The following CDCP1 variants were observed in gnomAD, a reference collection of about 807,000 sequenced individuals.
CDCP1 encodes the protein CUB domain-containing protein 1.
A neutral mutation model predicts 60.2 loss-of-function variants in CDCP1; 29 were observed. That is an observed-to-expected ratio of 0.48 (90% CI 0.36 to 0.66). The LOEUF (loss-of-function observed/expected upper bound fraction) is 0.66. CDCP1 is among the 30% of genes least tolerant of loss of function. The pLI is 0.00. For synonymous variants in CDCP1, 387 were observed against 431.1 expected (o/e 0.90, Z 1.27); for missense variants, 876 against 1,074.3 (o/e 0.82, Z 2.58).
At position 45,143,748 on chromosome 3, in the gene CDCP1, A is replaced by G. The variant is rs1699335892; in HGVS notation, c.82+2458T>C. 2.0e-5 allele frequency among the ~76,000 whole-genome samples: 3 copies of G among 152,166 alleles called. No homozygotes were observed. In the South Asian group the frequency reaches 6.2e-4, roughly 32 times the overall value. ...TGTGTGTGCACATGCAAGGCGTGCA[A>G]CCATCATAGATGAAATGGCAGCATC... On this transcript the variant is annotated intron_variant, in intron 1 of 8. Coordinates refer to ENST00000296129, the MANE Select transcript of CDCP1 (RefSeq NM_022842.5).
At chr3:45,100,646 G>A (rs1040465589) in intron 4 of CDCP1, among the ~76,000 whole-genome samples, 3 of 151,852 alleles carry the variant, frequency 2.0e-5, no homozygotes, top group Non-Finnish European at 2.9e-5. Flanking sequence ...TTTCTTCCTT[G>A]AATTTTATGT....
chr3:45,094,684 G>C (rs1698364162), intron 5 of CDCP1, among the ~76,000 whole-genome samples: 1 of 151,450 alleles, frequency 6.6e-6, no homozygotes, highest in South Asian at 2.1e-4. Context: ...GAAGACAAGA[G>C]GGCAGTGAGT....
intron 8 of CDCP1, among the ~76,000 whole-genome samples, chr3:45,087,482 G>A (rs1172414854): frequency 6.6e-6 from 1 of 152,202 alleles, no homozygotes; most frequent in Non-Finnish European, 1.5e-5. Flanking sequence ...TTAATGCCAT[G>A]CTTCCCCAAC....
chr3:45,086,104 G>GACTTCTTT, intron 8 of CDCP1, 37 bp from the exon 9 acceptor site: 1 of 1,580,726 alleles, frequency 6.3e-7, no homozygotes, highest in Non-Finnish European at 8.7e-7. Flanking sequence ...AAGTCAGAAA[G>GACTTCTTT]GCAAGAATCT....
rs1698714800 is a variant in CDCP1, at chr3:45,112,503, T to C, written c.293-58A>G. The C allele has an allele frequency of 2.5e-6, 4 of 1,568,752 alleles. No homozygotes were observed. The East Asian group carries it at 9.0e-5, about 35-fold the overall frequency. On this transcript the variant is annotated intron_variant, in intron 2 of 8. Transcript: ENST00000296129. ...CAGATGCTCCAAGGCCCCACACCACTCCTCCTCCACCACTCAGCCCCCTGT... is the reference window on the plus strand; with the variant it reads ...CAGATGCTCCAAGGCCCCACACCACCCCTCCTCCACCACTCAGCCCCCTGT...
At chr3:45,098,565 G>C (rs1698439515) in intron 4 of CDCP1, among the ~76,000 whole-genome samples, 1 of 151,786 alleles carries the variant, frequency 6.6e-6, no homozygotes. Context: ...AGGAAGATGT[G>C]GATTTCTCCT....
In CDCP1 at chr3:45,093,590, G is replaced by C. The variant is rs769237815; in HGVS notation, c.1314C>G (p.His438Gln). Reference sequence around the variant, plus strand: ...AGAAGTCATGCAGCTCCACAGGCAGGTGGAGGATGTCACTGGGCACCTGGA... The same window carrying C: ...AGAAGTCATGCAGCTCCACAGGCAGCTGGAGGATGTCACTGGGCACCTGGA... ...YSLQVPSDIL[H>Q]LPVELHDFSW... Residue 438 changes from histidine to glutamine, a missense_variant, in exon 6 of 9, where the codon CAC (histidine) becomes CAG (glutamine). Coordinates refer to ENST00000296129, the MANE Select transcript of CDCP1 (RefSeq NM_022842.5). 4 of 1,614,120 alleles carry C rather than the reference G, an allele frequency of 2.5e-6. No individual in the cohort carries two copies. The highest frequency in any genetic ancestry group is 2.5e-6 in the Non-Finnish European group (3 of 1,180,054).
chr3:45,094,863 G>A (rs1215151843), intron 5 of CDCP1, among the ~76,000 whole-genome samples: 1 of 152,056 alleles, frequency 6.6e-6, no homozygotes, highest in Non-Finnish European at 1.5e-5. Context: ...GGCTCTACCT[G>A]AGGCTGGTCC....
chr3:45,126,835 T>A (rs1196799145), intron 1 of CDCP1, among the ~76,000 whole-genome samples: 1 of 152,204 alleles, frequency 6.6e-6, no homozygotes, highest in East Asian at 1.9e-4. Context: ...ATAAAGTAGG[T>A]TCTAATATTA....
chr3:45,118,376 A>G, intron 2 of CDCP1, 36 bp downstream of exon 2: 3 of 1,480,802 alleles, frequency 2.0e-6, no homozygotes, highest in Non-Finnish European at 2.8e-6. Flanking sequence ...AGACATTTAA[A>G]AGACATTGTC....
Position 45,112,367 on chromosome 3 carries a change from G to A in CDCP1, c.371C>T (p.Thr124Ile). The change falls in exon 3 of 9, where the codon ACT becomes ATT. Residue 124 changes from threonine (T) to isoleucine (I), a missense_variant. Around this residue, in one of 2 missense-constraint regions of CDCP1, gnomAD observed 726 missense variants for 935.7 expected, o/e 0.78. Transcript: ENST00000296129. Reference protein sequence around the residue: ...STSLLPTLNRTFIWDVKAHKS... With the variant: ...STSLLPTLNRIFIWDVKAHKS... ...ATGAGCTTTGACATCCCAGATGAAA[G>A]TTCTGTTGAGGGTAGGCAACAACGA... 6 of 1,614,260 alleles carry A rather than the reference G, an allele frequency of 3.7e-6. No individual in the cohort carries two copies. Among genetic ancestry groups the A allele is most frequent in the Non-Finnish European group, 5.1e-6 (6 of 1,180,054 alleles).
In CDCP1 at chr3:45,084,736, A is replaced by T. The variant is rs1576070542; in HGVS notation, c.*902T>A. 6.5e-6 allele frequency: 1 copy of T among 152,680 alleles called. No individual in the cohort carries two copies. Among genetic ancestry groups the T allele is most frequent in the Non-Finnish European group, 1.5e-5 (1 of 68,052 alleles). The allele number at this position is 152,680 out of a possible 1,614,324, so 9.5% of individuals were successfully genotyped here. A position where few individuals can be genotyped will look rare whatever the true frequency, so the allele number is the denominator to read the frequency against. ...CTACCAAGTAATAGGTTGCAGTGGC[A>T]ACAGAAAACTAATGCAGGGGGCCAC... is the stretch of plus-strand genomic sequence containing the variant. On this transcript the variant is annotated 3_prime_UTR_variant, in exon 9 of 9. Coordinates refer to ENST00000296129, the MANE Select transcript of CDCP1 (RefSeq NM_022842.5).
At chr3:45,094,215 C>A (rs1698356570) in intron 5 of CDCP1, among the ~76,000 whole-genome samples, 1 of 135,408 alleles carries the variant, frequency 7.4e-6, no homozygotes. Flanking sequence ...GGTTTACTGG[C>A]CTTCAGTCAT....
rs1698703155 is a variant in CDCP1 at position 45,112,069 on chromosome 3, A to G, written c.655+14T>C. 6.2e-7 allele frequency: 1 copy of G among 1,608,774 alleles called. No individual in the cohort carries two copies. The highest frequency in any genetic ancestry group is 1.7e-5 in the Admixed American group (1 of 59,920). ...GTTTTAACCTAATCAGATAGCAGGG[A>G]GGGGCTTTCTCACGTTTTATAGATG... On this transcript the variant is annotated intron_variant, in intron 3 of 8. Coordinates refer to ENST00000296129, the MANE Select transcript of CDCP1 (RefSeq NM_022842.5).
At chr3:45,115,915 A>G (rs1283285155) in intron 2 of CDCP1, among the ~76,000 whole-genome samples, 7 of 152,162 alleles carry the variant, frequency 4.6e-5, no homozygotes, top group African/African-American at 1.7e-4. Context: ...AACATGGCAT[A>G]TCTTTCCATT....
intron 4 of CDCP1, among the ~76,000 whole-genome samples, chr3:45,104,599 G>A (rs1184161652): frequency 6.6e-6 from 1 of 152,184 alleles, no homozygotes; most frequent in Admixed American, 6.5e-5. Context: ...CTCACAACAT[G>A]GGGGGAAGGA....
At chr3:45,124,817 T>C (rs1002884679) in intron 1 of CDCP1, among the ~76,000 whole-genome samples, 3 of 152,170 alleles carry the variant, frequency 2.0e-5, no homozygotes, top group Non-Finnish European at 4.4e-5. Context: ...TCCAGCAGAT[T>C]GGCAAGTTTA....
intron 1 of CDCP1, among the ~76,000 whole-genome samples, chr3:45,121,821 T>C (rs1203409863): frequency 6.6e-6 from 1 of 152,246 alleles, no homozygotes; most frequent in Non-Finnish European, 1.5e-5. Context: ...ATGATGTTTA[T>C]TTTATGTAAG....
intron 4 of CDCP1, among the ~76,000 whole-genome samples, chr3:45,098,699 T>A (rs115009293): frequency 0.011 from 1,695 of 152,218 alleles, 15 homozygotes; most frequent in Non-Finnish European, 0.018. Flanking sequence ...CGTCATATTT[T>A]CAGCTAGATC....
Sources: gnomAD v4.1 joint callset for allele counts (sites outside exome capture counted in the v4.1 genomes callset) on GRCh38, gnomAD v4.1.1 for gene constraint, gnomAD v4.1.1 regional missense constraint, MANE v1.5 for transcripts, NCBI Gene and HGNC (gene_info 2026-07-23, HGNC 2026-07-21) for gene names.